ADGB: variants seen among roughly 807,000 people sequenced by gnomAD.
ADGB encodes the protein calpain-7-like protein.
A neutral mutation model predicts 210.5 loss-of-function variants in ADGB; 172 were observed. The ratio of observed to expected loss-of-function variants is 0.82; its 90% CI spans 0.72 to 0.93. ADGB has a LOEUF of 0.93. ADGB is among the 40% of genes least tolerant of loss of function. The pLI, the probability that ADGB is intolerant of heterozygous loss-of-function variation, is 0.00. For synonymous variants in ADGB, 658 were observed against 662.7 expected, an observed-to-expected ratio of 0.99 and a Z score of 0.11; for missense variants, 2,025 against 1,964.8, an observed-to-expected ratio of 1.03 and a Z score of -0.58.
chr6:146,770,014 T>C (rs1353270457), intron 29 of ADGB, among the ~76,000 whole-genome samples: 4 of 152,152 alleles, frequency 2.6e-5, no homozygotes, highest in African/African-American at 9.7e-5. Context: ...TATATTCCTC[T>C]ATTAGAATGC....
At chr6:146,676,268 A>G (rs1385534628) in intron 8 of ADGB, 45 bp from the exon 9 acceptor site, 3 of 1,462,894 alleles carry the variant, frequency 2.1e-6, no homozygotes, top group Non-Finnish European at 2.7e-6. Context: ...ATATAGTTTG[A>G]GATTGTCTAG....
At chr6:146,684,208 C>A (rs1002479542) in intron 9 of ADGB, among the ~76,000 whole-genome samples, 1 of 152,082 alleles carries the variant, frequency 6.6e-6, no homozygotes, top group African/African-American at 2.4e-5. Flanking sequence ...ACTGCTTAAT[C>A]TTGAACCTGG....
At chr6:146,803,814 G>C (rs1202539872) in intron 35 of ADGB, 3 of 506,634 alleles carry the variant, frequency 5.9e-6, no homozygotes, top group Non-Finnish European at 1.0e-5. Context: ...CTTCTGGGCC[G>C]AGTCCCACTC....
At position 146,633,155 on chromosome 6, in the gene ADGB, C is replaced by T. The variant is rs1215634889; in HGVS notation, c.75-2220C>T. Among the ~76,000 whole-genome samples, 6 of 152,056 alleles carry T rather than the reference C, an allele frequency of 3.9e-5. No homozygotes were observed. The East Asian group carries it at 7.7e-4, about 20-fold the overall frequency. On this transcript the variant is annotated intron_variant, in intron 1 of 35. Coordinates refer to ENST00000397944, the MANE Select transcript of ADGB (RefSeq NM_024694.4). ...TATGCCCCCTGCCTCAATTTTTCTC[C>T]GTACCACGGTCTTCTGTCGATAAGG...
intron 5 of ADGB, among the ~76,000 whole-genome samples, chr6:146,661,270 G>T (rs1775853671): frequency 7.1e-6 from 1 of 141,256 alleles, no homozygotes; most frequent in Admixed American, 7.6e-5. Flanking sequence ...GCTCAGGCTG[G>T]AGTGTAGTGG....
At chr6:146,665,221 T>G (rs1775922981) in intron 6 of ADGB, among the ~76,000 whole-genome samples, 1 of 152,034 alleles carries the variant, frequency 6.6e-6, no homozygotes, top group Non-Finnish European at 1.5e-5. Context: ...ATTGCAATGT[T>G]AGTCAGAAGT....
chr6:146,736,609 T>C lies in ADGB; in HGVS notation c.2888+18T>C. On this transcript the variant is annotated intron_variant, in intron 23 of 35. Transcript: ENST00000397944. ...CTCTTAAGGTAAAGCAGTCAAATGA[T>C]ATTTTTATTGCAGTATATTGTCCTT... 1 of 1,489,198 alleles carries C rather than the reference T, an allele frequency of 6.7e-7. No individual in the cohort carries two copies. The highest frequency in any genetic ancestry group is 9.1e-7 in the Non-Finnish European group (1 of 1,100,774). The allele number at this position is 1,489,198 out of a possible 1,614,324, so 92.2% of individuals were successfully genotyped here.
Position 146,644,794 on chromosome 6 carries a change from G to A in ADGB, c.259G>A (p.Gly87Arg). ...PVFHFFEDPE[G>R]KIELPPSLKI... ...ATAGCATTTTTTTGAGGACCCTGAA[G>A]GAAAGATTGAGTTACCACCATCCTT... The change falls in exon 3 of 36, where the codon GGA becomes AGA. Residue 87 changes from glycine to arginine, a missense_variant. Coordinates refer to ENST00000397944, the MANE Select transcript of ADGB (RefSeq NM_024694.4). 6.8e-7 allele frequency: 1 copy of A among 1,478,668 alleles called. No homozygotes were observed. 91.6% of individuals were successfully genotyped at this position (1,478,668 alleles called of 1,614,324 possible).
At chr6:146,714,515 G>T (rs770200153) in intron 13 of ADGB, among the ~76,000 whole-genome samples, 2 of 152,170 alleles carry the variant, frequency 1.3e-5, no homozygotes, top group Non-Finnish European at 2.9e-5. Context: ...CAGAGTATCT[G>T]TGAGTTCAGA....
At chr6:146,794,203 G>A (rs893202622) in intron 33 of ADGB, among the ~76,000 whole-genome samples, 5 of 152,200 alleles carry the variant, frequency 3.3e-5, no homozygotes, top group African/African-American at 1.2e-4. Flanking sequence ...TAAGGAGGCA[G>A]ATATAGGTTG....
Position 146,733,967 on chromosome 6 carries a change from A to G in ADGB, c.2731A>G (p.Ile911Val). The G allele has an allele frequency of 6.4e-7, 1 of 1,551,658 alleles. No homozygotes were observed. The highest frequency in any genetic ancestry group is 8.7e-7 in the Non-Finnish European group (1 of 1,146,938). Residue 911 changes from isoleucine (I) to valine (V), a missense_variant, in exon 22 of 36, where the codon ATT (isoleucine) becomes GTT (valine). Physicochemically the swap from Ile to Val is conservative, Grantham distance 29 (BLOSUM62 3). Coordinates refer to ENST00000397944, the MANE Select transcript of ADGB (RefSeq NM_024694.4). ...TTCTGCTGAGGAAGTAGCAGCAGCA[A>G]TTAAAATTCAAGCCATGTGGAGAGG... ...EYSAEEVAAA[I>V]KIQAMWRGTY...
At chr6:146,811,815 G>A (rs1778307024) in intron 35 of ADGB, among the ~76,000 whole-genome samples, 1 of 152,038 alleles carries the variant, frequency 6.6e-6, no homozygotes, top group South Asian at 2.1e-4. Context: ...GGGATTACAG[G>A]TGTGTGCCAC....
chr6:146,763,776 T>G, intron 27 of ADGB, 125 bp from the exon 28 acceptor site: 1 of 844,612 alleles, frequency 1.2e-6, no homozygotes, highest in Non-Finnish European at 1.8e-6. Context: ...CTGTTTTTTA[T>G]CTCACTAAAA....
chr6:146,715,871 C>A (rs989127303), intron 14 of ADGB, among the ~76,000 whole-genome samples: 8 of 151,758 alleles, frequency 5.3e-5, no homozygotes, highest in African/African-American at 1.9e-4. Flanking sequence ...AGATCGAGAC[C>A]ATCCTGGCCA....
In ADGB at chr6:146,719,325, G is replaced by C. The variant is rs116685264; in HGVS notation, c.1992+1726G>C. On this transcript the variant is annotated intron_variant, in intron 16 of 35. Coordinates refer to ENST00000397944, the MANE Select transcript of ADGB (RefSeq NM_024694.4). ...AGTGTATGTGGTAAACTGGTCAACT[G>C]TTCTTTATTCTGATCTTATTCTTAT... Among the ~76,000 whole-genome samples, 411 of 152,244 alleles carry C rather than the reference G, an allele frequency of 2.7e-3. 1 individual carries two copies. The highest frequency in any genetic ancestry group is 4.6e-3 in the South Asian group (22 of 4,820).
intron 1 of ADGB, among the ~76,000 whole-genome samples, chr6:146,634,430 T>C (rs1775369111): frequency 6.6e-6 from 1 of 152,134 alleles, no homozygotes; most frequent in African/African-American, 2.4e-5. Context: ...GAGATTTTAG[T>C]CTGTTTTTTT....
At chr6:146,803,669 C>G in intron 35 of ADGB, 1 of 1,283,556 alleles carries the variant, frequency 7.8e-7, no homozygotes, top group South Asian at 1.2e-5. Flanking sequence ...AATCTTATTA[C>G]AAAAGTTCCG....
In ADGB at chr6:146,728,584, G is replaced by A. The variant is rs569688854; in HGVS notation, c.2363G>A (p.Arg788Gln). 45 of 1,551,216 alleles carry A rather than the reference G, an allele frequency of 2.9e-5. No individual in the cohort carries two copies. The East Asian group carries it at 6.1e-4, about 21-fold the overall frequency. The change falls in exon 20 of 36, where the codon CGA becomes CAA. Residue 788 changes from arginine (R) to glutamine (Q), a missense_variant. By Grantham distance (43) the Arg-to-Gln change is conservative (BLOSUM62 1). Transcript: ENST00000397944. ...GCTTTGTCTTCACAGGAGAGCTGCC[G>A]ATTTACGGAACAGTCTCTGTTGATT... ...VLPNFEPESC[R>Q]FTEQSLLIMK...
chr6:146,803,210 A>T, intron 35 of ADGB: 3 of 1,528,756 alleles, frequency 2.0e-6, no homozygotes, highest in Non-Finnish European at 2.7e-6. Flanking sequence ...TTAAAGCTAC[A>T]TTCAATCTCA....
Sources: allele counts gnomAD v4.1 joint callset (sites outside exome capture counted in the v4.1 genomes callset), GRCh38; gene constraint gnomAD v4.1.1; transcripts MANE v1.5; gene names NCBI Gene and HGNC (gene_info 2026-07-23, HGNC 2026-07-21).